PIK3AP1: variants seen among roughly 807,000 people sequenced by gnomAD.
The protein encoded by PIK3AP1 is phosphoinositide-3-kinase adaptor protein 1, also known as phosphoinositide 3-kinase adapter protein 1.
In PIK3AP1, 21 loss-of-function variants were observed where a neutral mutation model predicts 88.1. The ratio of observed to expected loss-of-function variants is 0.24; its 90% CI spans 0.17 to 0.34. PIK3AP1 has a LOEUF of 0.34. PIK3AP1 is among the 10% of genes least tolerant of loss of function. PIK3AP1 has a pLI of 1.00. For synonymous variants in PIK3AP1, 398 were observed against 400.0 expected (o/e 1.00, Z 0.06); for missense variants, 828 against 1,035.7 (o/e 0.80, Z 2.75).
chr10:96,626,954 G>T lies in PIK3AP1; in HGVS notation c.1472-49C>A, dbSNP rs765070121. 16 of 1,518,570 alleles carry T rather than the reference G, an allele frequency of 1.1e-5. No individual in the cohort carries two copies. In the Admixed American group the frequency reaches 2.0e-4, roughly 19 times the overall value. 94.1% of individuals were successfully genotyped at this position (1,518,570 alleles called of 1,614,324 possible). A position where few individuals can be genotyped will look rare whatever the true frequency, so the allele number is the denominator to read the frequency against. ...TGAAAGCAGTGGCCAAACAAACTGGGTGATCATCAGTCATAAAGCAGAGTG... is the reference window on the plus strand; with the variant it reads ...TGAAAGCAGTGGCCAAACAAACTGGTTGATCATCAGTCATAAAGCAGAGTG... On this transcript the variant is annotated intron_variant, in intron 9 of 16. Coordinates refer to ENST00000339364, the MANE Select transcript of PIK3AP1 (RefSeq NM_152309.3).
chr10:96,711,772 A>T (rs1844440596), intron 1 of PIK3AP1, among the ~76,000 whole-genome samples: 2 of 38,676 alleles, frequency 5.2e-5, no homozygotes, highest in Admixed American at 3.4e-4. Context: ...TTTTTTTTAG[A>T]CGGAGTCTCG....
chr10:96,653,479 C>CT (rs748930022), intron 3 of PIK3AP1, among the ~76,000 whole-genome samples: 15,568 of 62,218 alleles, frequency 0.25, 3,923 homozygotes, highest in Non-Finnish European at 0.31. Context: ...ACTTTATACA[C>CT]TTTTTTTTTT....
In PIK3AP1 at chr10:96,593,727, G is replaced by A. The variant is rs979997762; in HGVS notation, c.*1850C>T. On this transcript the variant is annotated 3_prime_UTR_variant, in exon 17 of 17. Coordinates refer to ENST00000339364, the MANE Select transcript of PIK3AP1 (RefSeq NM_152309.3). Reference sequence around the variant, plus strand: ...ATTTGAAGAATGCTACTAAGTGCCAGGTCCTGTACAAGGTAATTAATTACT... The same window carrying A: ...ATTTGAAGAATGCTACTAAGTGCCAAGTCCTGTACAAGGTAATTAATTACT... The A allele has an allele frequency of 6.6e-6, 1 of 152,196 alleles. No homozygotes were observed. Among genetic ancestry groups the A allele is most frequent in the African/African-American group, 2.4e-5 (1 of 41,442 alleles). The allele number at this position is 152,196 out of a possible 1,614,324, so 9.4% of individuals were successfully genotyped here.
rs540758459 is a variant in PIK3AP1, at chr10:96,637,473, T to C, written c.1375+8000A>G. On this transcript the variant is annotated intron_variant, in intron 8 of 16. Transcript: ENST00000339364. ...TGATTTCCCAGGCGATCCTCCCACC[T>C]GAGCCTCCTTAACTACAGGCATGCA... Among the ~76,000 whole-genome samples the C allele has an allele frequency of 3.4e-4, 51 of 152,202 alleles. 1 individual carries two copies. In the South Asian group the frequency reaches 0.01, roughly 30 times the overall value.
chr10:96,707,996 T>C (rs930166743), intron 2 of PIK3AP1, among the ~76,000 whole-genome samples: 1 of 152,180 alleles, frequency 6.6e-6, no homozygotes, highest in African/African-American at 2.4e-5. Flanking sequence ...TCATGTTTAT[T>C]GGTTTAGAGT....
chr10:96,648,942 A>G (rs1843498133), intron 6 of PIK3AP1, 87 bp from the exon 7 acceptor site: 1 of 1,208,506 alleles, frequency 8.3e-7, no homozygotes, highest in Non-Finnish European at 1.1e-6. Flanking sequence ...TGCCAAGACT[A>G]GCATGGCAAC....
intron 2 of PIK3AP1, among the ~76,000 whole-genome samples, chr10:96,670,667 T>C (rs1037345494): frequency 3.9e-5 from 6 of 152,218 alleles, no homozygotes; most frequent in Non-Finnish European, 8.8e-5. Flanking sequence ...AGGGTGTATA[T>C]TGGAGACCTG....
rs745868556 is a variant in PIK3AP1, at chr10:96,620,347, G to T, written c.1941+5C>A. 1.5e-5 allele frequency: 25 copies of T among 1,613,570 alleles called. No individual in the cohort carries two copies. Among genetic ancestry groups the T allele is most frequent in the Non-Finnish European group, 2.0e-5 (24 of 1,179,678 alleles). On this transcript the variant is annotated splice_donor_5th_base_variant and intron_variant, in intron 12 of 16. Coordinates refer to ENST00000339364, the MANE Select transcript of PIK3AP1 (RefSeq NM_152309.3). ...ATGAAACAAATTCCATACGAAGCTA[G>T]TTACCTGCTGGAAACGAAAGGACTC...
chr10:96,640,545 C>T (rs1843370484), intron 8 of PIK3AP1, among the ~76,000 whole-genome samples: 2 of 152,162 alleles, frequency 1.3e-5, no homozygotes, highest in Non-Finnish European at 1.5e-5. Flanking sequence ...GTGAAAACAC[C>T]CACGGACATT....
chr10:96,709,131 CAAAA>C (rs113424134), intron 2 of PIK3AP1, among the ~76,000 whole-genome samples: 1 of 79,632 alleles, frequency 1.3e-5, no homozygotes. Context: ...GACTCCGACT[CAAAA>C]AAAAAAAAAA....
At chr10:96,600,957 G>A (rs1848879015) in intron 16 of PIK3AP1, among the ~76,000 whole-genome samples, 1 of 152,070 alleles carries the variant, frequency 6.6e-6, no homozygotes, top group Non-Finnish European at 1.5e-5. Context: ...ACCATAAAAA[G>A]GTTCCTACCA....
At chr10:96,685,179 T>A (rs1296212509) in intron 2 of PIK3AP1, among the ~76,000 whole-genome samples, 1 of 152,240 alleles carries the variant, frequency 6.6e-6, no homozygotes, top group East Asian at 1.9e-4. Flanking sequence ...GTGATTTTCT[T>A]TTTTAGAGTT....
intron 2 of PIK3AP1, among the ~76,000 whole-genome samples, chr10:96,665,652 A>G (rs1217354003): frequency 6.6e-6 from 1 of 152,188 alleles, no homozygotes; most frequent in Non-Finnish European, 1.5e-5. Context: ...TTTTCAGATT[A>G]TATGAATGAC....
Position 96,595,022 on chromosome 10 carries a change from G to C in PIK3AP1, c.*555C>G, listed in dbSNP as rs1427255748. ...AACCTCAGATTTGCCTTCTGTATAA[G>C]AGGAGTTTGTACTAATCCCTCTAGT... On this transcript the variant is annotated 3_prime_UTR_variant, in exon 17 of 17. Coordinates refer to ENST00000339364, the MANE Select transcript of PIK3AP1 (RefSeq NM_152309.3). 49 of 153,322 alleles carry C rather than the reference G, an allele frequency of 3.2e-4. No homozygotes were observed. Among genetic ancestry groups the C allele is most frequent in the Non-Finnish European group, 1.0e-4 (7 of 68,572 alleles). 9.5% of individuals were successfully genotyped at this position (153,322 alleles called of 1,614,324 possible). A position where few individuals can be genotyped will look rare whatever the true frequency, so the allele number is the denominator to read the frequency against.
At chr10:96,650,409 G>A (rs539132819) in intron 6 of PIK3AP1, among the ~76,000 whole-genome samples, 4 of 152,148 alleles carry the variant, frequency 2.6e-5, no homozygotes, top group South Asian at 2.1e-4. Context: ...CATCATCCCC[G>A]TGCAAGGGGT....
chr10:96,685,880 A>T (rs1285372549), intron 2 of PIK3AP1, among the ~76,000 whole-genome samples: 1 of 152,152 alleles, frequency 6.6e-6, no homozygotes, highest in East Asian at 1.9e-4. Flanking sequence ...ACTAGCCACC[A>T]ACAGACTAAT....
At chr10:96,700,800 T>C in intron 2 of PIK3AP1, 2 of 985,524 alleles carry the variant, frequency 2.0e-6, no homozygotes, top group Non-Finnish European at 1.2e-6. Context: ...GTCCATGACT[T>C]ACCATCTGCG....
At chr10:96,678,249 C>T (rs1411636559) in intron 2 of PIK3AP1, among the ~76,000 whole-genome samples, 2 of 152,164 alleles carry the variant, frequency 1.3e-5, no homozygotes, top group Non-Finnish European at 2.9e-5. Context: ...GCCTGGCCAA[C>T]ATGATGAAAC....
intron 2 of PIK3AP1, among the ~76,000 whole-genome samples, chr10:96,665,549 G>T (rs567666227): frequency 2.2e-4 from 33 of 152,298 alleles, no homozygotes; most frequent in African/African-American, 7.0e-4. Flanking sequence ...CCAGTGTCTG[G>T]TCTGCAGAAA....
Sources: allele counts gnomAD v4.1 joint callset (sites outside exome capture counted in the v4.1 genomes callset), GRCh38; gene constraint gnomAD v4.1.1; transcripts MANE v1.5; gene names NCBI Gene and HGNC (gene_info 2026-07-23, HGNC 2026-07-21).